Variants in MISP observed in about 807,000 individuals in gnomAD.
MISP encodes mitotic interactor and substrate of PLK1.
A neutral mutation model predicts 49.3 loss-of-function variants in MISP; 51 were observed. The observed-to-expected ratio is 1.03, with a 90% confidence interval of 0.83 to 1.31. The LOEUF is 1.31. MISP is among the 50% of genes most tolerant of loss of function. The pLI, the probability that MISP is intolerant of heterozygous loss-of-function variation, is 0.00. For missense variants in MISP, 1,084 were observed against 935.1 expected, an observed-to-expected ratio of 1.16 and a Z score of -2.08; for synonymous variants, 444 against 392.6, an observed-to-expected ratio of 1.13 and a Z score of -1.55.
chr19:759,028 C>T (rs924427384), intron 2 of MISP, among the ~76,000 whole-genome samples: 12 of 151,930 alleles, frequency 7.9e-5, no homozygotes, highest in Admixed American at 4.6e-4. Context: ...TTTTGTTTTT[C>T]GGTTTTCTTT....
rs2033716257 is a variant in MISP at position 764,031 on chromosome 19, G to T, written c.*441G>T. 1.9e-5 allele frequency: 3 copies of T among 157,494 alleles called. No homozygotes were observed. Among genetic ancestry groups the T allele is most frequent in the Admixed American group, 1.3e-4 (2 of 15,908 alleles). 9.8% of individuals were successfully genotyped at this position (157,494 alleles called of 1,614,324 possible). A position where few individuals can be genotyped will look rare whatever the true frequency, so the allele number is the denominator to read the frequency against. ...GAGGAGACACTCAGCTCCTCCCTCT[G>T]AGAAGTCCCAAGCTGAGAGGGGAGA... is the stretch of plus-strand genomic sequence containing the variant. On this transcript the variant is annotated 3_prime_UTR_variant, in exon 5 of 5. Coordinates refer to ENST00000215582, the MANE Select transcript of MISP (RefSeq NM_173481.4).
upstream of MISP, among the ~76,000 whole-genome samples, chr19:750,600 C>G (rs566744382): frequency 5.3e-5 from 8 of 152,244 alleles, no homozygotes; most frequent in African/African-American, 1.7e-4. Flanking sequence ...GAGGAGAAAA[C>G]AGGGCTAAGA....
At chr19:752,721 T>A (rs1289737401) in intron 1 of MISP, among the ~76,000 whole-genome samples, 1 of 133,322 alleles carries the variant, frequency 7.5e-6, no homozygotes, top group Non-Finnish European at 1.6e-5. Flanking sequence ...CGGCACCTGC[T>A]CGAGGCTGGG....
intron 2 of MISP, 106 bp from the exon 3 acceptor site, chr19:759,803 C>A: frequency 7.6e-7 from 1 of 1,321,814 alleles, no homozygotes; most frequent in Non-Finnish European, 1.1e-6. Context: ...GTCATCTGCT[C>A]TGTCTGTCCA....
intron 1 of MISP, among the ~76,000 whole-genome samples, chr19:755,601 C>T (rs1390868163): frequency 6.6e-6 from 1 of 152,114 alleles, no homozygotes; most frequent in Non-Finnish European, 1.5e-5. Context: ...GCACAGGAGA[C>T]ACAGATAAAT....
In MISP at chr19:758,290, C is replaced by T. The variant is rs569010355; in HGVS notation, c.1344C>T (p.Ser448=). 24 of 1,614,020 alleles carry T rather than the reference C, an allele frequency of 1.5e-5. No individual in the cohort carries two copies. The highest frequency in any genetic ancestry group is 2.0e-5 in the Non-Finnish European group (24 of 1,180,046). ...CCTTCGGAGCATTCGGCAAGCCCAGCAGTCTCTCCACAGCGGAGGCCAAGG... is the reference window on the plus strand; with the variant it reads ...CCTTCGGAGCATTCGGCAAGCCCAGTAGTCTCTCCACAGCGGAGGCCAAGG... ...FSAFGAFGKP[S]SLSTAEAKAA... is the part of the protein sequence containing the mutation. The change falls in exon 2 of 5, where the codon AGC becomes AGT. Residue 448 remains serine (S), a synonymous_variant. Coordinates refer to ENST00000215582, the MANE Select transcript of MISP (RefSeq NM_173481.4).
chr19:751,837 T>C (rs1194949189), intron 1 of MISP, among the ~76,000 whole-genome samples: 2 of 152,022 alleles, frequency 1.3e-5, no homozygotes, highest in African/African-American at 4.8e-5. Flanking sequence ...CCCTGAGGGA[T>C]GGGAAAAAGG....
At chr19:755,590 T>C (rs1456080232) in intron 1 of MISP, among the ~76,000 whole-genome samples, 1 of 152,136 alleles carries the variant, frequency 6.6e-6, no homozygotes, top group Non-Finnish European at 1.5e-5. Context: ...AAAGGCTCAG[T>C]GCACAGGAGA....
intron 3 of MISP, among the ~76,000 whole-genome samples, chr19:761,081 T>G (rs2033664660): frequency 6.9e-6 from 1 of 145,042 alleles, no homozygotes; most frequent in Non-Finnish European, 1.5e-5. Context: ...AGGAATATTA[T>G]GTCCTTTTTT....
Position 761,679 on chromosome 19 carries a change from G to A in MISP, c.1950+16G>A. 2 of 1,614,038 alleles carry A rather than the reference G, an allele frequency of 1.2e-6. No homozygotes were observed. Among genetic ancestry groups the A allele is most frequent in the Non-Finnish European group, 1.7e-6 (2 of 1,179,946 alleles). ...CAACTCAGAGGTGAGTATGCTCCTGGGCACGAAGACTCAAGTCTTTCCCCC... is the reference window on the plus strand; with the variant it reads ...CAACTCAGAGGTGAGTATGCTCCTGAGCACGAAGACTCAAGTCTTTCCCCC... On this transcript the variant is annotated intron_variant, in intron 4 of 4. Transcript: ENST00000215582.
chr19:763,102 C>G (rs931772792), intron 4 of MISP, among the ~76,000 whole-genome samples: 38 of 152,196 alleles, frequency 2.5e-4, no homozygotes, highest in Admixed American at 2.4e-3. Flanking sequence ...ATGGTGAAAC[C>G]CCATCTCTAC....
In MISP at chr19:757,222, G is replaced by T; in HGVS notation, c.276G>T (p.Trp92Cys). The change falls in exon 2 of 5, where the codon TGG becomes TGT. Residue 92 changes from tryptophan to cysteine, a missense_variant. Coordinates refer to ENST00000215582, the MANE Select transcript of MISP (RefSeq NM_173481.4). The stretch of plus-strand genomic sequence containing the variant: ...CGGAGAACAGGGAGGATGAGGGTTG[G>T]CAGGTTTACCGCCTGGGCGCCAGGG... The part of the protein sequence containing the change: ...LHSENREDEG[W>C]QVYRLGARDA... The T allele has an allele frequency of 1.9e-6, 3 of 1,613,796 alleles. No homozygotes were observed. In the South Asian group the frequency reaches 3.3e-5, roughly 18 times the overall value.
intron 4 of MISP, among the ~76,000 whole-genome samples, chr19:762,715 A>G (rs1014914328): frequency 6.6e-6 from 1 of 151,526 alleles, no homozygotes; most frequent in African/African-American, 2.4e-5. Context: ...CTGGAGTGCT[A>G]TGATGTGGTC....
upstream of MISP, among the ~76,000 whole-genome samples, chr19:749,753 A>G (rs2033430349): frequency 6.6e-6 from 1 of 151,722 alleles, no homozygotes; most frequent in Admixed American, 6.6e-5. Flanking sequence ...TTGCTTGAAC[A>G]GGGGAGGTTG....
intron 1 of MISP, among the ~76,000 whole-genome samples, chr19:754,747 G>T (rs529921483): frequency 2.6e-5 from 4 of 152,246 alleles, no homozygotes; most frequent in Non-Finnish European, 5.9e-5. Flanking sequence ...GTGTCCATGG[G>T]CTTCAGCAGA....
At chr19:751,600 A>T (rs2033460626) in intron 1 of MISP, among the ~76,000 whole-genome samples, 1 of 151,732 alleles carries the variant, frequency 6.6e-6, no homozygotes, top group South Asian at 2.1e-4. Flanking sequence ...TCTGGGCAGT[A>T]AACACCCCCG....
intron 4 of MISP, among the ~76,000 whole-genome samples, chr19:762,018 G>A (rs2033680564): frequency 6.6e-6 from 1 of 151,922 alleles, no homozygotes; most frequent in African/African-American, 2.4e-5. Flanking sequence ...TGCGATCTCG[G>A]CTCACTGCAA....
upstream of MISP, among the ~76,000 whole-genome samples, chr19:750,685 G>A (rs1215962023): frequency 7.2e-5 from 11 of 152,194 alleles, no homozygotes; most frequent in Admixed American, 7.2e-4. Flanking sequence ...TGCAAGAAGG[G>A]GGCCATCTAG....
At position 758,071 on chromosome 19, in the gene MISP, G is replaced by C; in HGVS notation, c.1125G>C (p.Ala375=). The change falls in exon 2 of 5, where the codon GCG becomes GCC. Residue 375 remains alanine (A), a synonymous_variant. Coordinates refer to ENST00000215582, the MANE Select transcript of MISP (RefSeq NM_173481.4). ...GGGAGGGCCTGCACGTGGGCCGGGC[G>C]TCCACACCCGACTGGGTCTCGGAGG... The part of the protein sequence containing the change: ...HRREGLHVGR[A]STPDWVSEGP... 2 of 1,571,976 alleles carry C rather than the reference G, an allele frequency of 1.3e-6. No individual in the cohort carries two copies. The highest frequency in any genetic ancestry group is 1.7e-6 in the Non-Finnish European group (2 of 1,160,748).
Sources: gnomAD v4.1 joint callset for allele counts (sites outside exome capture counted in the v4.1 genomes callset) on GRCh38, gnomAD v4.1.1 for gene constraint, MANE v1.5 for transcripts, NCBI Gene and HGNC (gene_info 2026-07-23, HGNC 2026-07-21) for gene names.